RPS6KA5: variants seen among roughly 807,000 people sequenced by gnomAD.
RPS6KA5 encodes the protein ribosomal protein S6 kinase alpha-5.
In RPS6KA5, 27 loss-of-function variants were observed where a neutral mutation model predicts 85.5. The observed-to-expected ratio is 0.32, with a 90% CI of 0.23 to 0.44. The LOEUF (loss-of-function observed/expected upper bound fraction) is 0.44. Ranked by LOEUF, RPS6KA5 falls within the 20% of genes least tolerant of loss-of-function variation. The pLI is 1.00. For missense variants in RPS6KA5, 811 were observed against 980.9 expected, an observed-to-expected ratio of 0.83 and a Z score of 2.31; for synonymous variants, 334 against 348.2, an observed-to-expected ratio of 0.96 and a Z score of 0.46.
intron 1 of RPS6KA5, among the ~76,000 whole-genome samples, chr14:91,058,118 T>C (rs2043400107): frequency 6.6e-6 from 1 of 152,268 alleles, no homozygotes; most frequent in Admixed American, 6.5e-5. Flanking sequence ...GATCATGTGC[T>C]GAAAGAAGTG....
chr14:91,042,474 G>A (rs1028204167), intron 1 of RPS6KA5, among the ~76,000 whole-genome samples: 3 of 151,940 alleles, frequency 2.0e-5, no homozygotes, highest in African/African-American at 4.8e-5. Flanking sequence ...TCGCACCACC[G>A]CACTCCAGCC....
At chr14:91,056,719 G>A (rs1222530457) in intron 1 of RPS6KA5, among the ~76,000 whole-genome samples, 1 of 151,998 alleles carries the variant, frequency 6.6e-6, no homozygotes, top group African/African-American at 2.4e-5. Context: ...CTAAATAAGT[G>A]GGTAAGATAA....
intron 2 of RPS6KA5, among the ~76,000 whole-genome samples, chr14:90,989,595 C>T (rs1313074661): frequency 6.6e-6 from 1 of 152,140 alleles, no homozygotes; most frequent in Non-Finnish European, 1.5e-5. Context: ...TACATTTAAA[C>T]ATTTTCTTCT....
At position 90,873,643 on chromosome 14, in the gene RPS6KA5, C is replaced by T; in HGVS notation, c.2149G>A (p.Ala717Thr). 1.9e-6 allele frequency: 3 copies of T among 1,613,890 alleles called. No individual in the cohort carries two copies. Among genetic ancestry groups the T allele is most frequent in the Non-Finnish European group, 2.5e-6 (3 of 1,179,878 alleles). ...SGAAVHTCVK[A>T]TFHAFNKYKR... Reference sequence around the variant, plus strand: ...GCACAGGGCCTTACGTGGAAGGTTGCTTTCACACAGGTATGCACGGCAGCT... The same window carrying T: ...GCACAGGGCCTTACGTGGAAGGTTGTTTTCACACAGGTATGCACGGCAGCT... Residue 717 changes from alanine (A) to threonine (T), a missense_variant, in exon 16 of 17, where the codon GCA (alanine) becomes ACA (threonine). Transcript: ENST00000614987.
intron 1 of RPS6KA5, among the ~76,000 whole-genome samples, chr14:91,043,695 T>C (rs2042686168): frequency 6.6e-6 from 1 of 152,188 alleles, no homozygotes; most frequent in Admixed American, 6.5e-5. Context: ...CATCTCAAAC[T>C]TACTTTGATA....
At chr14:90,872,846 T>C (rs1366614420) in intron 16 of RPS6KA5, among the ~76,000 whole-genome samples, 1 of 152,230 alleles carries the variant, frequency 6.6e-6, no homozygotes, top group African/African-American at 2.4e-5. Flanking sequence ...TCCTGCAGCC[T>C]GTCTTCACTC....
chr14:90,939,841 C>G, intron 5 of RPS6KA5, among the ~76,000 whole-genome samples: 1 of 152,032 alleles, frequency 6.6e-6, no homozygotes, highest in Non-Finnish European at 1.5e-5. Context: ...ACCTGGAAAC[C>G]AAGGAGGCAG....
chr14:91,000,988 CT>C (rs2040763306), intron 2 of RPS6KA5, 99 bp downstream of exon 2: 1 of 653,682 alleles, frequency 1.5e-6, no homozygotes, highest in South Asian at 2.3e-5. Context: ...ATTCCTCATG[CT>C]TTTTAAATTT....
chr14:90,912,522 T>C (rs1013226648), intron 7 of RPS6KA5, among the ~76,000 whole-genome samples: 2 of 152,208 alleles, frequency 1.3e-5, no homozygotes, highest in Non-Finnish European at 2.9e-5. Flanking sequence ...CTACCACTTA[T>C]TTTTCAGGGT....
In RPS6KA5 at chr14:90,857,198, G is replaced by A. The variant is rs2032327184; in HGVS notation, c.*14876C>T. The A allele has an allele frequency of 6.6e-6, 1 of 152,102 alleles. No homozygotes were observed. Among genetic ancestry groups the A allele is most frequent in the Non-Finnish European group, 1.5e-5 (1 of 68,022 alleles). 9.4% of individuals were successfully genotyped at this position (152,102 alleles called of 1,614,324 possible). A position where few individuals can be genotyped will look rare whatever the true frequency, so the allele number is the denominator to read the frequency against. ...CCACTGGATAAAGTTTCAAAAGTGG[G>A]AAAGAATAACAAAGACAGGAATAGA... On this transcript the variant is annotated 3_prime_UTR_variant, in exon 17 of 17. Coordinates refer to ENST00000614987, the MANE Select transcript of RPS6KA5 (RefSeq NM_004755.4).
chr14:91,044,333 GATAGACAA>G (rs1172676307), intron 1 of RPS6KA5, among the ~76,000 whole-genome samples: 1 of 95,894 alleles, frequency 1.0e-5, no homozygotes, highest in Non-Finnish European at 2.1e-5. Context: ...GAGAGAGAAA[GATAGACAA>G]AGAAAGAAAG....
chr14:90,930,270 T>G (rs1229115822), intron 5 of RPS6KA5, among the ~76,000 whole-genome samples: 1 of 152,204 alleles, frequency 6.6e-6, no homozygotes, highest in African/African-American at 2.4e-5. Flanking sequence ...TAAGTATGCT[T>G]GGGAACTTAG....
chr14:90,927,485 A>C (rs961725496), intron 5 of RPS6KA5, among the ~76,000 whole-genome samples: 3 of 152,152 alleles, frequency 2.0e-5, no homozygotes, highest in African/African-American at 7.2e-5. Context: ...AATGACAAAG[A>C]AAGATTGAAA....
At position 90,861,955 on chromosome 14, in the gene RPS6KA5, G is replaced by A. The variant is rs1240802835; in HGVS notation, c.*10119C>T. On this transcript the variant is annotated 3_prime_UTR_variant, in exon 17 of 17. Coordinates refer to ENST00000614987, the MANE Select transcript of RPS6KA5 (RefSeq NM_004755.4). ...TGTCATAAAATTCCTGCATTGTTGG[G>A]AAGTGGTAATGTACCAATTTAAGGC... is the stretch of plus-strand genomic sequence containing the variant. The A allele has an allele frequency of 6.6e-6, 1 of 151,618 alleles. No individual in the cohort carries two copies. Among genetic ancestry groups the A allele is most frequent in the East Asian group, 1.9e-4 (1 of 5,182 alleles). 9.4% of individuals were successfully genotyped at this position (151,618 alleles called of 1,614,324 possible).
chr14:90,970,203 TCTGA>T (rs745761994), intron 3 of RPS6KA5, among the ~76,000 whole-genome samples: 23 of 152,240 alleles, frequency 1.5e-4, no homozygotes, highest in Non-Finnish European at 2.8e-4. Context: ...ATTACAAAGT[TCTGA>T]CTAAGAACAT....
chr14:91,035,878 AAAAC>A (rs2042384857), intron 1 of RPS6KA5, among the ~76,000 whole-genome samples: 3 of 100,148 alleles, frequency 3.0e-5, no homozygotes, highest in African/African-American at 1.2e-4. Flanking sequence ...AAAAAAAAAA[AAAAC>A]CCCAAAGCTG....
At position 90,860,258 on chromosome 14, in the gene RPS6KA5, C is replaced by A. The variant is rs765533600; in HGVS notation, c.*11816G>T. The A allele has an allele frequency of 6.6e-6, 1 of 151,948 alleles. No individual in the cohort carries two copies. Among genetic ancestry groups the A allele is most frequent in the Admixed American group, 6.6e-5 (1 of 15,252 alleles). 9.4% of individuals were successfully genotyped at this position (151,948 alleles called of 1,614,324 possible). A position where few individuals can be genotyped will look rare whatever the true frequency, so the allele number is the denominator to read the frequency against. On this transcript the variant is annotated 3_prime_UTR_variant, in exon 17 of 17. Transcript: ENST00000614987. ...TTGAAAATGGTGAACCTAGGCTGGGCGCCAGTAGCTCACACCTGTAATCCC... is the reference window on the plus strand; with the variant it reads ...TTGAAAATGGTGAACCTAGGCTGGGAGCCAGTAGCTCACACCTGTAATCCC...
At chr14:90,949,554 CAG>C (rs2038060319) in intron 3 of RPS6KA5, among the ~76,000 whole-genome samples, 1 of 152,132 alleles carries the variant, frequency 6.6e-6, no homozygotes, top group Admixed American at 6.6e-5. Flanking sequence ...ATATTATAAA[CAG>C]GGTCTCTGAA....
At chr14:90,957,888 T>C (rs2038606139) in intron 3 of RPS6KA5, among the ~76,000 whole-genome samples, 1 of 151,444 alleles carries the variant, frequency 6.6e-6, no homozygotes, top group East Asian at 1.9e-4. Flanking sequence ...ATGCATGAAA[T>C]CTCAGCACTT....
Sources: allele counts gnomAD v4.1 joint callset (sites outside exome capture counted in the v4.1 genomes callset), GRCh38; gene constraint gnomAD v4.1.1; transcripts MANE v1.5; gene names NCBI Gene and HGNC (gene_info 2026-07-23, HGNC 2026-07-21).